PACRG: variants seen among roughly 807,000 people sequenced by gnomAD.
PACRG encodes the protein parkin coregulated gene protein.
Under a neutral mutation model 29.7 loss-of-function variants are expected in PACRG, and 29 were observed. The ratio of observed to expected loss-of-function variants is 0.98; its 90% CI spans 0.73 to 1.33. PACRG has a LOEUF of 1.33. Among genes scored for constraint, PACRG ranks in the 40% most tolerant of loss-of-function variants. The pLI is 0.00. For synonymous variants in PACRG, 116 were observed against 118.7 expected (o/e 0.98, Z 0.15); for missense variants, 279 against 316.2 (o/e 0.88, Z 0.89).
chr6:163,127,402 G>A (rs550803534), intron 4 of PACRG, among the ~76,000 whole-genome samples: 2 of 152,244 alleles, frequency 1.3e-5, no homozygotes, highest in East Asian at 3.9e-4. Context: ...AGTTAATATT[G>A]CCATGGAGAG....
rs372400820 is a variant in PACRG at position 162,750,052 on chromosome 6, CTGA to C, written c.156+21664_156+21666del. The stretch of plus-strand genomic sequence containing the variant: ...TCCATTGTTGATTACCCAATGTGTA[CTGA>C]TGTTTCTCCTTACAAACTATGATAG... On this transcript the variant is annotated intron_variant, in intron 1 of 4. Transcript: ENST00000366888. Among the ~76,000 whole-genome samples, 103 of 152,276 alleles carry C rather than the reference CTGA, an allele frequency of 6.8e-4. No homozygotes were observed. The East Asian group carries it at 0.01, about 15-fold the overall frequency.
chr6:163,260,839 G>A (rs1447168125), intron 4 of PACRG, among the ~76,000 whole-genome samples: 3 of 152,144 alleles, frequency 2.0e-5, no homozygotes, highest in Non-Finnish European at 2.9e-5. Context: ...TTCCATGCTC[G>A]TTCCCTGTGG....
At chr6:163,003,534 C>G (rs1804772460) in intron 2 of PACRG, among the ~76,000 whole-genome samples, 1 of 152,156 alleles carries the variant, frequency 6.6e-6, no homozygotes, top group Admixed American at 6.5e-5. Context: ...ATTTCCAACT[C>G]AAACTTCCCT....
At chr6:163,281,470 T>C (rs73025035) in intron 4 of PACRG, among the ~76,000 whole-genome samples, 6,250 of 152,166 alleles carry the variant, frequency 0.041, 137 homozygotes, top group Middle Eastern at 0.082. Context: ...GTAAAATACA[T>C]TGGACAGTAA....
chr6:163,026,065 C>T (rs1477444184), intron 2 of PACRG, among the ~76,000 whole-genome samples: 2 of 152,202 alleles, frequency 1.3e-5, no homozygotes, highest in African/African-American at 4.8e-5. Flanking sequence ...AAGTTGGGCA[C>T]ATCACATTGC....
chr6:162,825,575 T>C (rs1788204592), intron 2 of PACRG, among the ~76,000 whole-genome samples: 1 of 152,258 alleles, frequency 6.6e-6, no homozygotes, highest in African/African-American at 2.4e-5. Context: ...CTTAAAAAGA[T>C]CTGCCTACTC....
chr6:163,309,400 T>C (rs538348138), intron 4 of PACRG, among the ~76,000 whole-genome samples: 10 of 152,376 alleles, frequency 6.6e-5, no homozygotes, highest in Non-Finnish European at 1.2e-4. Flanking sequence ...TGAATGTTGT[T>C]CTATCAGTAT....
intron 4 of PACRG, among the ~76,000 whole-genome samples, chr6:163,210,486 G>A (rs1247283066): frequency 6.6e-6 from 1 of 152,172 alleles, no homozygotes; most frequent in Non-Finnish European, 1.5e-5. Flanking sequence ...ACTCACCATG[G>A]CCTTAGAAGG....
chr6:163,150,816 AG>A (rs1778053259), intron 4 of PACRG, among the ~76,000 whole-genome samples: 1 of 152,230 alleles, frequency 6.6e-6, no homozygotes, highest in African/African-American at 2.4e-5. Flanking sequence ...TAGGTGGCAA[AG>A]AAATACTGGC....
chr6:162,815,301 A>G (rs1304006035), intron 2 of PACRG, among the ~76,000 whole-genome samples: 1 of 152,022 alleles, frequency 6.6e-6, no homozygotes, highest in Non-Finnish European at 1.5e-5. Flanking sequence ...TGTTAAAAAT[A>G]AAAGTACAAA....
chr6:162,774,610 C>A (rs905646315), intron 1 of PACRG, among the ~76,000 whole-genome samples: 4 of 152,142 alleles, frequency 2.6e-5, no homozygotes, highest in Admixed American at 1.3e-4. Context: ...GTGTTTACAT[C>A]TTCTCTGTTG....
rs889784282 is a variant in PACRG, at chr6:163,270,370, AT to A, written c.614-44446del. On this transcript the variant is annotated intron_variant, in intron 4 of 4. Transcript: ENST00000366888. ...AAATTAAATGTAAAACATAAAATGA[AT>A]TTTTTTTTTTAAATTTCAGTGATAA... Among the ~76,000 whole-genome samples the A allele has an allele frequency of 3.2e-4, 48 of 149,954 alleles. 1 individual carries two copies. The highest frequency in any genetic ancestry group is 1.2e-3 in the East Asian group (6 of 5,130).
chr6:162,756,564 G>A (rs1049040677), intron 1 of PACRG, among the ~76,000 whole-genome samples: 1 of 152,122 alleles, frequency 6.6e-6, no homozygotes, highest in African/African-American at 2.4e-5. Flanking sequence ...CTTATAGGCA[G>A]CATGTGGTTG....
intron 3 of PACRG, among the ~76,000 whole-genome samples, chr6:163,069,757 A>G (rs1296146454): frequency 6.6e-6 from 1 of 152,160 alleles, no homozygotes; most frequent in Non-Finnish European, 1.5e-5. Context: ...CAAAAGGATA[A>G]TAACAGAGAA....
intron 1 of PACRG, among the ~76,000 whole-genome samples, chr6:162,740,821 G>A (rs1780534010): frequency 6.6e-6 from 1 of 151,624 alleles, no homozygotes; most frequent in Admixed American, 6.6e-5. Context: ...GGATGGTCTT[G>A]ATCTCCTGAC....
At chr6:162,738,756 T>C (rs1780354531) in intron 1 of PACRG, among the ~76,000 whole-genome samples, 1 of 152,246 alleles carries the variant, frequency 6.6e-6, no homozygotes, top group South Asian at 2.1e-4. Flanking sequence ...TGCATGTATG[T>C]ATAGAGCTTT....
intron 4 of PACRG, among the ~76,000 whole-genome samples, chr6:163,124,756 G>A (rs781732405): frequency 4.3e-4 from 65 of 152,298 alleles, no homozygotes; most frequent in Admixed American, 1.5e-3. Context: ...TGGCACCTTC[G>A]AGAGGCCGTA....
intron 4 of PACRG, among the ~76,000 whole-genome samples, chr6:163,097,379 G>T (rs1433459514): frequency 6.6e-6 from 1 of 152,206 alleles, no homozygotes; most frequent in Non-Finnish European, 1.5e-5. Context: ...TTCTGGACCA[G>T]TGGCAAATGT....
chr6:163,174,820 C>G (rs1585296354), intron 4 of PACRG, among the ~76,000 whole-genome samples: 1 of 152,252 alleles, frequency 6.6e-6, no homozygotes, highest in Non-Finnish European at 1.5e-5. Flanking sequence ...CTGCTACCAC[C>G]TGAGACACCA....
Sources: gnomAD v4.1 joint callset for allele counts (sites outside exome capture counted in the v4.1 genomes callset) on GRCh38, gnomAD v4.1.1 for gene constraint, MANE v1.5 for transcripts, NCBI Gene and HGNC (gene_info 2026-07-23, HGNC 2026-07-21) for gene names.